Variants in NCK2 observed in about 807,000 individuals in gnomAD.
NCK2 encodes the protein cytoplasmic protein NCK2.
NCK2 carries 16 observed loss-of-function variants against 33.9 expected under a neutral mutation model. That is an observed-to-expected ratio of 0.47 (90% confidence interval 0.32 to 0.72). The LOEUF (loss-of-function observed/expected upper bound fraction) is 0.72. Among genes scored for constraint, NCK2 ranks in the 30% least tolerant of loss-of-function variants. The probability of loss-of-function intolerance (pLI) is 0.03; values close to 1 mark genes in which losing one functional copy is unlikely to be tolerated. For missense variants in NCK2, 418 were observed against 537.3 expected (o/e 0.78, Z 2.19); for synonymous variants, 273 against 239.9 (o/e 1.14, Z -1.27).
rs370923694 is a variant in NCK2 at position 105,885,877 on chromosome 2, C to G, written c.948+3828C>G. Among the ~76,000 whole-genome samples the G allele has an allele frequency of 1.2e-3, 187 of 152,122 alleles. 2 individuals carry two copies. The highest frequency in any genetic ancestry group is 4.2e-3 in the African/African-American group (174 of 41,482). On this transcript the variant is annotated intron_variant, in intron 4 of 4. Transcript: ENST00000233154. ...GGGATTTATCTCTTGAAGTATATTTCTGTTGAGTTTTTTGGGGGGCTTTTT... is the reference window on the plus strand; with the variant it reads ...GGGATTTATCTCTTGAAGTATATTTGTGTTGAGTTTTTTGGGGGGCTTTTT...
chr2:105,820,047 G>A (rs1312429383), intron 2 of NCK2, among the ~76,000 whole-genome samples: 1 of 152,238 alleles, frequency 6.6e-6, no homozygotes, highest in Non-Finnish European at 1.5e-5. Context: ...AATACTTGAG[G>A]CAGGGATCAA....
At chr2:105,764,948 A>T (rs1260180772) in intron 1 of NCK2, among the ~76,000 whole-genome samples, 2 of 152,076 alleles carry the variant, frequency 1.3e-5, no homozygotes, top group East Asian at 1.9e-4. Flanking sequence ...TCATTTGGAC[A>T]TCTAAATTTT....
chr2:105,750,758 G>T (rs1237705681), intron 1 of NCK2, among the ~76,000 whole-genome samples: 1 of 152,214 alleles, frequency 6.6e-6, no homozygotes, highest in African/African-American at 2.4e-5. Flanking sequence ...TTATTTGGGG[G>T]TTGGTTTGTC....
At chr2:105,753,536 A>G (rs1416186529) in intron 1 of NCK2, among the ~76,000 whole-genome samples, 3 of 152,188 alleles carry the variant, frequency 2.0e-5, no homozygotes, top group Non-Finnish European at 4.4e-5. Flanking sequence ...TGCAGGTGCC[A>G]TTGTAAATGC....
chr2:105,821,701 G>T (rs932332706), intron 2 of NCK2, among the ~76,000 whole-genome samples: 3 of 152,034 alleles, frequency 2.0e-5, no homozygotes, highest in African/African-American at 4.8e-5. Context: ...GTCACTGCTT[G>T]TATATTATCT....
intron 3 of NCK2, among the ~76,000 whole-genome samples, chr2:105,878,700 A>G (rs1003258608): frequency 5.3e-5 from 8 of 152,240 alleles, no homozygotes; most frequent in Middle Eastern, 3.2e-3. Flanking sequence ...ACCAGTACAC[A>G]GAGAGACATT....
At chr2:105,884,621 T>C (rs1216808115) in intron 4 of NCK2, among the ~76,000 whole-genome samples, 1 of 152,172 alleles carries the variant, frequency 6.6e-6, no homozygotes, top group Admixed American at 6.5e-5. Context: ...GAGGGGTGCG[T>C]ATTTCAGGGA....
chr2:105,835,300 GA>G, intron 2 of NCK2, among the ~76,000 whole-genome samples: 1 of 148,274 alleles, frequency 6.7e-6, no homozygotes, highest in South Asian at 2.1e-4. Flanking sequence ...GTCTGGGAAA[GA>G]CTTTTATTTC....
At chr2:105,885,198 A>G (rs1368551215) in intron 4 of NCK2, among the ~76,000 whole-genome samples, 1 of 152,224 alleles carries the variant, frequency 6.6e-6, no homozygotes, top group East Asian at 1.9e-4. Context: ...CTGGCCTGCA[A>G]GTGCGGGAGG....
At chr2:105,776,526 G>T (rs1324459123) in intron 1 of NCK2, among the ~76,000 whole-genome samples, 1 of 152,090 alleles carries the variant, frequency 6.6e-6, no homozygotes, top group African/African-American at 2.4e-5. Context: ...GAGGGCTCCT[G>T]CATGCTGCCA....
At chr2:105,799,580 C>G (rs1674733722) in intron 1 of NCK2, among the ~76,000 whole-genome samples, 1 of 152,178 alleles carries the variant, frequency 6.6e-6, no homozygotes, top group Non-Finnish European at 1.5e-5. Flanking sequence ...ATCTGCCACA[C>G]CAAACACGAG....
intron 4 of NCK2, among the ~76,000 whole-genome samples, chr2:105,888,852 T>C (rs1678833337): frequency 6.6e-6 from 1 of 152,196 alleles, no homozygotes; most frequent in Non-Finnish European, 1.5e-5. Flanking sequence ...AAGTAGAGCC[T>C]GCATCCCCAG....
intron 2 of NCK2, among the ~76,000 whole-genome samples, chr2:105,844,581 A>C (rs905611685): frequency 3.4e-4 from 51 of 150,616 alleles, no homozygotes; most frequent in East Asian, 1.4e-3. Context: ...AAACAAAAAA[A>C]AAAAAAAACA....
chr2:105,871,683 C>T (rs1035054987), intron 3 of NCK2, among the ~76,000 whole-genome samples: 9 of 151,976 alleles, frequency 5.9e-5, no homozygotes, highest in Non-Finnish European at 1.5e-5. Context: ...TTAGTAGAGA[C>T]GGGGTTTCAC....
chr2:105,877,694 T>G (rs763667597), intron 3 of NCK2, among the ~76,000 whole-genome samples: 2 of 152,304 alleles, frequency 1.3e-5, no homozygotes, highest in Middle Eastern at 6.8e-3. Context: ...TAGTTTCATT[T>G]CCTATAGAAA....
At chr2:105,815,820 C>G (rs754617716) in intron 1 of NCK2, among the ~76,000 whole-genome samples, 3 of 152,180 alleles carry the variant, frequency 2.0e-5, no homozygotes, top group Non-Finnish European at 2.9e-5. Context: ...AACCCTTCTC[C>G]GTCATTAGAC....
chr2:105,877,722 A>G (rs1678296145), intron 3 of NCK2, among the ~76,000 whole-genome samples: 1 of 152,192 alleles, frequency 6.6e-6, no homozygotes, highest in Non-Finnish European at 1.5e-5. Context: ...ACAGATGATA[A>G]TGCTTTCCAT....
upstream of NCK2, chr2:105,744,763 G>A (rs2104310131): frequency 6.7e-6 from 1 of 150,226 alleles, no homozygotes; most frequent in East Asian, 2.0e-4. Flanking sequence ...CGCGCGCCCG[G>A]GCCTGGGCCG....
chr2:105,862,874 G>A (rs1044111220), intron 3 of NCK2, among the ~76,000 whole-genome samples: 3 of 152,232 alleles, frequency 2.0e-5, no homozygotes, highest in Non-Finnish European at 4.4e-5. Flanking sequence ...ACCCTAGGCC[G>A]TAAAGGTAGC....
Sources: gnomAD v4.1 joint callset for allele counts (sites outside exome capture counted in the v4.1 genomes callset) on GRCh38, gnomAD v4.1.1 for gene constraint, MANE v1.5 for transcripts, NCBI Gene and HGNC (gene_info 2026-07-23, HGNC 2026-07-21) for gene names.